Variants in OSBPL9 observed in about 807,000 individuals in gnomAD.
OSBPL9 encodes oxysterol binding protein like 9, also known as oxysterol-binding protein-related protein 9.
OSBPL9 carries 40 observed loss-of-function variants against 106.6 expected under a neutral mutation model. The ratio of observed to expected loss-of-function variants is 0.38; its 90% CI spans 0.29 to 0.49. The LOEUF (loss-of-function observed/expected upper bound fraction) is 0.49. Ranked by LOEUF, OSBPL9 falls within the 20% of genes least tolerant of loss-of-function variation. The probability of loss-of-function intolerance (pLI) is 0.97; values close to 1 mark genes in which losing one functional copy is unlikely to be tolerated. For missense variants in OSBPL9, 609 were observed against 887.2 expected (o/e 0.69, Z 3.98); for synonymous variants, 269 against 295.4 (o/e 0.91, Z 0.92).
At chr1:51,609,023 C>T (rs1392471847) in intron 2 of OSBPL9, among the ~76,000 whole-genome samples, 2 of 152,014 alleles carry the variant, frequency 1.3e-5, no homozygotes, top group East Asian at 3.9e-4. Flanking sequence ...TCTTAAAGTT[C>T]ACTGTCTAAT....
chr1:51,529,814 A>T, the OSBPL9 span, among the ~76,000 whole-genome samples: 2 of 150,872 alleles, frequency 1.3e-5, no homozygotes, highest in Non-Finnish European at 2.9e-5. Context: ...CTCAGAATGG[A>T]TCCTTGACAT....
At chr1:51,714,422 A>G (rs1216411757) in intron 4 of OSBPL9, among the ~76,000 whole-genome samples, 1 of 152,234 alleles carries the variant, frequency 6.6e-6, no homozygotes, top group Admixed American at 6.5e-5. Flanking sequence ...GATAATAGGT[A>G]AATACTGAGA....
At chr1:51,645,008 GC>G (rs1646060038) in intron 1 of OSBPL9, among the ~76,000 whole-genome samples, 1 of 152,124 alleles carries the variant, frequency 6.6e-6, no homozygotes, top group Non-Finnish European at 1.5e-5. Context: ...AAGTGTTTAG[GC>G]AGTCCCCTTG....
the OSBPL9 span, among the ~76,000 whole-genome samples, chr1:51,530,193 C>CAAAAAAAAAAAAA: frequency 1.3e-4 from 7 of 55,660 alleles, 1 homozygote; most frequent in Non-Finnish European, 1.6e-4. Flanking sequence ...AAAAAAAAAA[C>CAAAAAAAAAAAAA]AAAAAAAAAA....
At chr1:51,518,582 G>C in the OSBPL9 span, 1 of 152,870 alleles carries the variant, frequency 6.5e-6, no homozygotes, top group Non-Finnish European at 1.5e-5. Flanking sequence ...AGAGTGGGTA[G>C]TTGAGTAGGA....
chr1:51,619,995 C>A (rs981339300), intron 1 of OSBPL9, among the ~76,000 whole-genome samples: 1 of 152,058 alleles, frequency 6.6e-6, no homozygotes, highest in Non-Finnish European at 1.5e-5. Context: ...GTTCTGAAAA[C>A]CCTGAACTAA....
intron 2 of OSBPL9, among the ~76,000 whole-genome samples, chr1:51,668,419 C>G (rs767618881): frequency 1.3e-5 from 2 of 152,046 alleles, no homozygotes; most frequent in Non-Finnish European, 2.9e-5. Context: ...GTCAGAAGTT[C>G]GAGACCAGCC....
intron 8 of OSBPL9, among the ~76,000 whole-genome samples, chr1:51,755,759 TAAC>T (rs887961613): frequency 3.3e-5 from 5 of 152,196 alleles, no homozygotes; most frequent in Admixed American, 6.5e-5. Flanking sequence ...ATCTTTGACT[TAAC>T]AATATTTTCA....
chr1:51,663,137 T>A (rs995649927), intron 2 of OSBPL9, among the ~76,000 whole-genome samples: 2 of 152,100 alleles, frequency 1.3e-5, no homozygotes, highest in African/African-American at 4.8e-5. Context: ...AAGCATCAAA[T>A]TTTTAGGAAT....
At chr1:51,628,322 C>T (rs1047644334) in intron 1 of OSBPL9, among the ~76,000 whole-genome samples, 7 of 152,034 alleles carry the variant, frequency 4.6e-5, no homozygotes, top group African/African-American at 1.7e-4. Context: ...AGTTATTGTA[C>T]CATTTTGTAT....
chr1:51,747,553 C>CTTTT (rs746109312), intron 6 of OSBPL9, among the ~76,000 whole-genome samples: 2 of 42,370 alleles, frequency 4.7e-5, no homozygotes, highest in Admixed American at 2.6e-4. Context: ...CTCTCCTTGG[C>CTTTT]TTTTTTTTTT....
intron 3 of OSBPL9, among the ~76,000 whole-genome samples, chr1:51,698,171 G>A (rs1656471715): frequency 6.6e-6 from 1 of 152,126 alleles, no homozygotes; most frequent in African/African-American, 2.4e-5. Flanking sequence ...AATGAATAAG[G>A]TCAAAGCTAG....
chr1:51,782,761 A>T, intron 17 of OSBPL9, 118 bp downstream of exon 17: 1 of 816,698 alleles, frequency 1.2e-6, no homozygotes, highest in Non-Finnish European at 1.9e-6. Context: ...TGTGTTTCTT[A>T]TTCCCTGAAG....
intron 1 of OSBPL9, among the ~76,000 whole-genome samples, chr1:51,644,210 C>T (rs1211395806): frequency 6.6e-6 from 1 of 150,724 alleles, no homozygotes; most frequent in African/African-American, 2.4e-5. Flanking sequence ...TTTTCTTTTT[C>T]CCTTATGACC....
chr1:51,760,674 T>C lies in OSBPL9; in HGVS notation c.583-16T>C. ...CATTTAATTAAAAATAGCTATATTGTGTTTCTTTATTTTAGAGTACTATTA... is the reference window on the plus strand; with the variant it reads ...CATTTAATTAAAAATAGCTATATTGCGTTTCTTTATTTTAGAGTACTATTA... On this transcript the variant is annotated splice_polypyrimidine_tract_variant and intron_variant, in intron 9 of 23. Transcript: ENST00000428468. 6.2e-7 allele frequency: 1 copy of C among 1,613,434 alleles called. No individual in the cohort carries two copies. Among genetic ancestry groups the C allele is most frequent in the Non-Finnish European group, 8.5e-7 (1 of 1,179,632 alleles).
intron 3 of OSBPL9, among the ~76,000 whole-genome samples, chr1:51,701,498 TTATC>T (rs1318964886): frequency 6.6e-6 from 1 of 152,182 alleles, no homozygotes; most frequent in Non-Finnish European, 1.5e-5. Flanking sequence ...CTGGTTCTCA[TTATC>T]TATAACATAC....
intron 3 of OSBPL9, among the ~76,000 whole-genome samples, chr1:51,690,423 G>A (rs1654717978): frequency 6.6e-6 from 1 of 152,166 alleles, no homozygotes; most frequent in African/African-American, 2.4e-5. Context: ...TTGTGGGGGA[G>A]GAACACTTGT....
chr1:51,702,912 A>G (rs1006763142), intron 3 of OSBPL9, among the ~76,000 whole-genome samples: 3 of 152,152 alleles, frequency 2.0e-5, no homozygotes, highest in African/African-American at 2.4e-5. Flanking sequence ...TGCTTTCCCC[A>G]TTTCTTGTTT....
At chr1:51,650,490 T>C (rs1646446008) in intron 1 of OSBPL9, among the ~76,000 whole-genome samples, 1 of 152,218 alleles carries the variant, frequency 6.6e-6, no homozygotes, top group African/African-American at 2.4e-5. Flanking sequence ...CACTGTGTTA[T>C]TAGTAAAGAA....
Sources: allele counts gnomAD v4.1 joint callset (sites outside exome capture counted in the v4.1 genomes callset), GRCh38; gene constraint gnomAD v4.1.1; transcripts MANE v1.5; gene names NCBI Gene and HGNC (gene_info 2026-07-23, HGNC 2026-07-21).